The following ZNF609 variants were observed in gnomAD, a reference collection of about 807,000 sequenced individuals.
ZNF609 encodes zinc finger protein 609.
In ZNF609, 11 loss-of-function variants were observed where a neutral mutation model predicts 109.5. That is an observed-to-expected ratio of 0.10 (90% CI 0.06 to 0.17). The LOEUF is 0.17. ZNF609 is among the 10% of genes least tolerant of loss of function. The pLI is 1.00. For missense variants in ZNF609, 1,559 were observed against 1,772.4 expected (o/e 0.88, Z 2.16); for synonymous variants, 646 against 662.0 (o/e 0.98, Z 0.37).
At chr15:64,609,635 T>A (rs1595738040) in intron 2 of ZNF609, among the ~76,000 whole-genome samples, 1 of 151,530 alleles carries the variant, frequency 6.6e-6, no homozygotes, top group African/African-American at 2.4e-5. Context: ...ATATGTTAAA[T>A]ATCAAGGGAT....
At chr15:64,573,378 G>A (rs867165228) in intron 2 of ZNF609, among the ~76,000 whole-genome samples, 27 of 68,384 alleles carry the variant, frequency 3.9e-4, no homozygotes, top group Admixed American at 8.6e-4. Context: ...TTTTTGAGAC[G>A]GAGTCTTGCT....
intron 2 of ZNF609, chr15:64,529,115 T>G: frequency 1.3e-6 from 1 of 793,264 alleles, no homozygotes; most frequent in Admixed American, 1.9e-5. Flanking sequence ...CCATTTATAG[T>G]CTGGGTGGCA....
At chr15:64,561,431 A>T (rs1894678005) in intron 2 of ZNF609, among the ~76,000 whole-genome samples, 1 of 148,052 alleles carries the variant, frequency 6.8e-6, no homozygotes, top group Non-Finnish European at 1.5e-5. Context: ...TTTAAAAAAT[A>T]GTAATGCTAC....
chr15:64,669,166 G>C (rs113549562), intron 3 of ZNF609, among the ~76,000 whole-genome samples: 7,550 of 152,090 alleles, frequency 0.05, 610 homozygotes, highest in African/African-American at 0.17. Context: ...GGCCGTATTT[G>C]TGAGAACTCC....
At chr15:64,655,564 C>T (rs1320316006) in intron 3 of ZNF609, among the ~76,000 whole-genome samples, 1 of 151,872 alleles carries the variant, frequency 6.6e-6, no homozygotes, top group African/African-American at 2.4e-5. Context: ...TGGTGGCTCA[C>T]GCCTGTAATC....
At chr15:64,616,668 C>T (rs549841424) in intron 2 of ZNF609, among the ~76,000 whole-genome samples, 6 of 150,924 alleles carry the variant, frequency 4.0e-5, no homozygotes, top group Admixed American at 1.3e-4. Flanking sequence ...TACAGGCGCC[C>T]GCCACCACAC....
intron 3 of ZNF609, among the ~76,000 whole-genome samples, chr15:64,649,095 G>A (rs951113983): frequency 1.3e-5 from 2 of 151,898 alleles, no homozygotes; most frequent in Non-Finnish European, 2.9e-5. Context: ...TTAAATGTAA[G>A]CCCAATGAAG....
chr15:64,593,233 G>C lies in ZNF609; in HGVS notation c.748-29594G>C. On this transcript the variant is annotated intron_variant, in intron 2 of 9. Coordinates refer to ENST00000326648, the MANE Select transcript of ZNF609 (RefSeq NM_015042.2). ...GTGCAATTCACAGCAAAGTAGTCAGGAATCGATCTCGTGAAGCCCGCAAGG... is the reference window on the plus strand; with the variant it reads ...GTGCAATTCACAGCAAAGTAGTCAGCAATCGATCTCGTGAAGCCCGCAAGG... 2.6e-6 allele frequency: 4 copies of C among 1,539,928 alleles called. No individual in the cohort carries two copies. The African/African-American group carries it at 4.1e-5, about 16-fold the overall frequency.
At chr15:64,590,230 C>T (rs1029914279) in intron 2 of ZNF609, among the ~76,000 whole-genome samples, 3 of 151,956 alleles carry the variant, frequency 2.0e-5, no homozygotes, top group East Asian at 1.9e-4. Context: ...GTTTTTGGGT[C>T]GGAACTATTT....
In ZNF609 at chr15:64,684,629, C is replaced by T. The variant is rs1239268819; in HGVS notation, c.*2943C>T. The stretch of plus-strand genomic sequence containing the variant: ...ACACGCTTAGAAGGGTAAGAGGGCA[C>T]CCTATGAAATGAAATGGTGATTTCT... On this transcript the variant is annotated 3_prime_UTR_variant, in exon 10 of 10. Coordinates refer to ENST00000326648, the MANE Select transcript of ZNF609 (RefSeq NM_015042.2). 3 of 152,638 alleles carry T rather than the reference C, an allele frequency of 2.0e-5. No homozygotes were observed. The highest frequency in any genetic ancestry group is 2.9e-5 in the Non-Finnish European group (2 of 68,044). 9.5% of individuals were successfully genotyped at this position (152,638 alleles called of 1,614,324 possible).
chr15:64,666,969 A>C (rs1279559721), intron 3 of ZNF609, among the ~76,000 whole-genome samples: 1 of 152,162 alleles, frequency 6.6e-6, no homozygotes, highest in Non-Finnish European at 1.5e-5. Context: ...CTACTAAAAA[A>C]TACAACAAAA....
intron 2 of ZNF609, among the ~76,000 whole-genome samples, chr15:64,510,727 G>C (rs769219876): frequency 2.0e-5 from 3 of 152,032 alleles, no homozygotes; most frequent in Non-Finnish European, 2.9e-5. Context: ...GATGTTTTGA[G>C]GTGGTCAGGT....
intron 3 of ZNF609, among the ~76,000 whole-genome samples, chr15:64,633,138 CGTTTTGTTTT>C (rs72458134): frequency 2.0e-5 from 3 of 148,786 alleles, no homozygotes; most frequent in African/African-American, 5.0e-5. Flanking sequence ...AGAAGTGACA[CGTTTTGTTTT>C]GTTTTGTTTT....
rs1404216889 is a variant in ZNF609 at position 64,607,326 on chromosome 15, A to G, written c.748-15501A>G. On this transcript the variant is annotated intron_variant, in intron 2 of 9. Coordinates refer to ENST00000326648, the MANE Select transcript of ZNF609 (RefSeq NM_015042.2). ...TGTAAAACAACACACACATATACAT[A>G]TATCTGTACCATATATATTCTATGT... Among the ~76,000 whole-genome samples, 2 of 152,060 alleles carry G rather than the reference A, an allele frequency of 1.3e-5. 1 individual carries two copies. The highest frequency in any genetic ancestry group is 2.9e-5 in the Non-Finnish European group (2 of 68,014).
intron 2 of ZNF609, among the ~76,000 whole-genome samples, chr15:64,530,178 C>T (rs1894039039): frequency 6.6e-6 from 1 of 152,016 alleles, no homozygotes; most frequent in Non-Finnish European, 1.5e-5. Context: ...CCACGCCTGG[C>T]TAATTTTTGT....
intron 3 of ZNF609, among the ~76,000 whole-genome samples, chr15:64,660,894 C>T (rs1896565338): frequency 6.6e-6 from 1 of 152,130 alleles, no homozygotes; most frequent in Non-Finnish European, 1.5e-5. Flanking sequence ...CATCACCATC[C>T]CTCACATCGT....
intron 3 of ZNF609, chr15:64,631,499 A>G (rs1896077191): frequency 4.3e-6 from 3 of 692,842 alleles, no homozygotes; most frequent in East Asian, 2.8e-5. Context: ...ATAGATTCGC[A>G]TATACATGGC....
intron 3 of ZNF609, among the ~76,000 whole-genome samples, chr15:64,660,404 T>C (rs1361301353): frequency 6.6e-6 from 1 of 152,178 alleles, no homozygotes; most frequent in Non-Finnish European, 1.5e-5. Flanking sequence ...AAGTTAGGAT[T>C]CGGTTACCAA....
At chr15:64,631,226 C>T in intron 3 of ZNF609, 1 of 636,940 alleles carries the variant, frequency 1.6e-6, no homozygotes, top group Non-Finnish European at 2.9e-6. Context: ...AGATGCCTTT[C>T]TCTTTGGCTT....
Sources: allele counts gnomAD v4.1 joint callset (sites outside exome capture counted in the v4.1 genomes callset), GRCh38; gene constraint gnomAD v4.1.1; transcripts MANE v1.5; gene names NCBI Gene and HGNC (gene_info 2026-07-23, HGNC 2026-07-21).